Variants in UNC5B observed in about 807,000 individuals in gnomAD.
UNC5B encodes the protein netrin receptor UNC5B.
Under a neutral mutation model 103.7 loss-of-function variants are expected in UNC5B, and 56 were observed. The ratio of observed to expected loss-of-function variants is 0.54; its 90% CI spans 0.44 to 0.67. UNC5B has a LOEUF of 0.67. Among genes scored for constraint, UNC5B ranks in the 30% least tolerant of loss-of-function variants. The pLI, the probability that UNC5B is intolerant of heterozygous loss-of-function variation, is 0.00. For synonymous variants in UNC5B, 577 were observed against 542.0 expected (o/e 1.06, Z -0.90); for missense variants, 1,194 against 1,284.5 (o/e 0.93, Z 1.08).
chr10:71,294,362 G>A (rs751383586), intron 13 of UNC5B, among the ~76,000 whole-genome samples: 2 of 152,210 alleles, frequency 1.3e-5, no homozygotes, highest in Non-Finnish European at 2.9e-5. Context: ...ATGTGAGGGC[G>A]GGCGAGATGG....
chr10:71,245,910 C>T (rs1021686924), intron 1 of UNC5B, among the ~76,000 whole-genome samples: 1 of 152,210 alleles, frequency 6.6e-6, no homozygotes, highest in Non-Finnish European at 1.5e-5. Context: ...CCCAAGGACA[C>T]GGGGCTGTGA....
chr10:71,295,849 G>C lies in UNC5B; in HGVS notation c.2214G>C (p.Leu738Phe), dbSNP rs1289774524. 6.2e-7 allele frequency: 1 copy of C among 1,612,990 alleles called. No homozygotes were observed. Among genetic ancestry groups the C allele is most frequent in the Non-Finnish European group, 8.5e-7 (1 of 1,179,952 alleles). The change falls in exon 14 of 17, where the codon TTG (leucine) becomes TTC (phenylalanine). Residue 738 changes from leucine to phenylalanine, a missense_variant. Physicochemically the swap from Leu to Phe is conservative, Grantham distance 22. Transcript: ENST00000335350. ...TGGAGCGGACTCTGGGCGGATACTT[G>C]GTGGAGGAGCCGAAACCGCTAATGT... ...LELERTLGGYLVEEPKPLMFK... is the reference protein window; with the variant it reads ...LELERTLGGYFVEEPKPLMFK...
At chr10:71,238,120 T>A (rs965724650) in intron 1 of UNC5B, among the ~76,000 whole-genome samples, 1 of 152,078 alleles carries the variant, frequency 6.6e-6, no homozygotes, top group Non-Finnish European at 1.5e-5. Context: ...AGGAGTGTGA[T>A]CATTAAAAAC....
chr10:71,238,109 TA>T (rs1170824952), intron 1 of UNC5B, among the ~76,000 whole-genome samples: 5 of 152,138 alleles, frequency 3.3e-5, no homozygotes, highest in Admixed American at 1.3e-4. Context: ...GCTAAATAAA[TA>T]GGAGTGTGAT....
chr10:71,254,404 G>T (rs983174050), intron 1 of UNC5B, among the ~76,000 whole-genome samples: 7 of 152,214 alleles, frequency 4.6e-5, no homozygotes, highest in Non-Finnish European at 7.3e-5. Context: ...CTGTCGTGGG[G>T]GGCATAGGGC....
intron 1 of UNC5B, among the ~76,000 whole-genome samples, chr10:71,253,494 G>T (rs895292599): frequency 6.6e-6 from 1 of 152,210 alleles, no homozygotes; most frequent in African/African-American, 2.4e-5. Context: ...GGCAGGGAAG[G>T]CCAGGCGCAT....
Position 71,280,112 on chromosome 10 carries a change from A to G in UNC5B, c.304+67A>G, listed in dbSNP as rs1313217540. 5 of 1,520,192 alleles carry G rather than the reference A, an allele frequency of 3.3e-6. No homozygotes were observed. In the South Asian group the frequency reaches 5.7e-5, roughly 17 times the overall value. 94.2% of individuals were successfully genotyped at this position (1,520,192 alleles called of 1,614,324 possible). A position where few individuals can be genotyped will look rare whatever the true frequency, so the allele number is the denominator to read the frequency against. ...GGCCCAGAGGCACAGGCCTAGCTCCATGTGAGACTTCACACAGCCATGGTG... is the reference window on the plus strand; with the variant it reads ...GGCCCAGAGGCACAGGCCTAGCTCCGTGTGAGACTTCACACAGCCATGGTG... On this transcript the variant is annotated intron_variant, in intron 2 of 16. Coordinates refer to ENST00000335350, the MANE Select transcript of UNC5B (RefSeq NM_170744.5).
chr10:71,268,972 G>A (rs1033427231), intron 1 of UNC5B, among the ~76,000 whole-genome samples: 6 of 152,212 alleles, frequency 3.9e-5, no homozygotes, highest in Admixed American at 3.3e-4. Context: ...ACGCGTGGCA[G>A]GAGCAGGCAG....
At chr10:71,243,277 G>T (rs142841177) in intron 1 of UNC5B, among the ~76,000 whole-genome samples, 1 of 151,940 alleles carries the variant, frequency 6.6e-6, no homozygotes, top group African/African-American at 2.4e-5. Flanking sequence ...CTGCTTTAGG[G>T]CCAAGCAGAA....
intron 13 of UNC5B, 143 bp from the exon 14 acceptor site, chr10:71,295,668 A>G (rs1845388201): frequency 2.2e-6 from 2 of 925,658 alleles, no homozygotes; most frequent in East Asian, 5.3e-5. Context: ...TCATCTTCTC[A>G]CACCATAAGC....
At chr10:71,283,221 T>C (rs924677666) in intron 2 of UNC5B, among the ~76,000 whole-genome samples, 1 of 152,164 alleles carries the variant, frequency 6.6e-6, no homozygotes, top group Admixed American at 6.5e-5. Flanking sequence ...CTAGGGGACT[T>C]GGTGCCTGCC....
chr10:71,288,801 G>T (rs557536800), intron 7 of UNC5B, 69 bp downstream of exon 7: 3 of 1,538,346 alleles, frequency 2.0e-6, no homozygotes, highest in Non-Finnish European at 2.6e-6. Flanking sequence ...CCCCAAACCC[G>T]GCCCCATGCC....
At chr10:71,280,137 G>GC in intron 2 of UNC5B, 92 bp downstream of exon 2, 1 of 1,388,930 alleles carries the variant, frequency 7.2e-7, no homozygotes, top group Non-Finnish European at 9.9e-7. Flanking sequence ...CAGCCATGGT[G>GC]CCCCCTTGGA....
chr10:71,280,888 T>A (rs1844908129), intron 2 of UNC5B, among the ~76,000 whole-genome samples: 2 of 152,238 alleles, frequency 1.3e-5, no homozygotes, highest in Admixed American at 1.3e-4. Flanking sequence ...TACCCCAGAC[T>A]CAGGGGGCTC....
chr10:71,234,499 GAAGCA>G (rs1323420562), intron 1 of UNC5B, among the ~76,000 whole-genome samples: 1 of 152,236 alleles, frequency 6.6e-6, no homozygotes, highest in Non-Finnish European at 1.5e-5. Context: ...ACCAGCATAA[GAAGCA>G]AAGCCCCTTG....
At chr10:71,295,525 G>T (rs546560727) in intron 13 of UNC5B, among the ~76,000 whole-genome samples, 1 of 152,016 alleles carries the variant, frequency 6.6e-6, no homozygotes, top group Non-Finnish European at 1.5e-5. Flanking sequence ...ATATTCATCT[G>T]TCTGTCTTTC....
chr10:71,264,971 T>TAAAAAAAAAAAAA (rs34240729), intron 1 of UNC5B, among the ~76,000 whole-genome samples: 1 of 120,852 alleles, frequency 8.3e-6, no homozygotes, highest in Non-Finnish European at 1.8e-5. Flanking sequence ...CCTGTCTCTA[T>TAAAAAAAAAAAAA]AAAAAAAAAA....
intron 1 of UNC5B, among the ~76,000 whole-genome samples, chr10:71,259,053 A>C (rs1270715118): frequency 6.6e-6 from 1 of 152,208 alleles, no homozygotes; most frequent in East Asian, 1.9e-4. Context: ...GCCTTTCCTC[A>C]TGGGCAGGGT....
At chr10:71,278,879 T>C (rs964330841) in intron 1 of UNC5B, among the ~76,000 whole-genome samples, 4 of 152,262 alleles carry the variant, frequency 2.6e-5, no homozygotes, top group African/African-American at 4.8e-5. Context: ...CATTTGGCAC[T>C]GGAAAATTCA....
Sources: allele counts gnomAD v4.1 joint callset (sites outside exome capture counted in the v4.1 genomes callset), GRCh38; gene constraint gnomAD v4.1.1; transcripts MANE v1.5; gene names NCBI Gene and HGNC (gene_info 2026-07-23, HGNC 2026-07-21).